The following CASZ1 variants were observed in gnomAD, a reference collection of about 807,000 sequenced individuals.
The protein encoded by CASZ1 is zinc finger protein castor homolog 1.
In CASZ1, 28 loss-of-function variants were observed where a neutral mutation model predicts 135.2. That is an observed-to-expected ratio of 0.21 (90% CI 0.15 to 0.28). The LOEUF (loss-of-function observed/expected upper bound fraction) is 0.28. Among genes scored for constraint, CASZ1 ranks in the 10% least tolerant of loss-of-function variants. The probability of loss-of-function intolerance (pLI) is 1.00; values close to 1 mark genes in which losing one functional copy is unlikely to be tolerated. For missense variants in CASZ1, 2,161 were observed against 2,453.3 expected, an observed-to-expected ratio of 0.88 and a Z score of 2.52; for synonymous variants, 1,068 against 1,073.4, an observed-to-expected ratio of 0.99 and a Z score of 0.10.
intron 2 of CASZ1, among the ~76,000 whole-genome samples, chr1:10,745,525 C>T (rs1450974273): frequency 6.6e-6 from 1 of 152,150 alleles, no homozygotes; most frequent in Non-Finnish European, 1.5e-5. Context: ...CATGCAGCCA[C>T]ACAGGGTCTC....
rs992860334 is a variant in CASZ1 at position 10,666,740 on chromosome 1, C to T, written c.17-1169G>A. Among the ~76,000 whole-genome samples, 2 of 152,240 alleles carry T rather than the reference C, an allele frequency of 1.3e-5. No individual in the cohort carries two copies. The highest frequency in any genetic ancestry group is 4.8e-5 in the African/African-American group (2 of 41,456). ...CCTGGGGGGGCATACGGCAAGCCCA[C>T]CCACCACACAGCCTGGGACCTGCCA... On this transcript the variant is annotated intron_variant, in intron 4 of 20. Coordinates refer to ENST00000377022, the MANE Select transcript of CASZ1 (RefSeq NM_001079843.3). This position sits in a 1 kb window ranked among gnomAD's most constrained non-coding sequence, Gnocchi z 5.2.
At chr1:10,683,856 G>A (rs1176343580) in intron 4 of CASZ1, among the ~76,000 whole-genome samples, 2 of 152,246 alleles carry the variant, frequency 1.3e-5, no homozygotes. Context: ...GCCCAGGGAT[G>A]TGTTTGCAGA....
At chr1:10,768,286 C>T (rs566764344) in intron 1 of CASZ1, among the ~76,000 whole-genome samples, 16 of 152,162 alleles carry the variant, frequency 1.1e-4, no homozygotes, top group Non-Finnish European at 2.1e-4. Flanking sequence ...GGTGCAATCT[C>T]GGCTCACGGC....
chr1:10,693,837 G>C (rs755896082), intron 4 of CASZ1, 37 bp downstream of exon 4: 1 of 1,527,948 alleles, frequency 6.5e-7, no homozygotes, highest in African/African-American at 1.4e-5. Flanking sequence ...CGAAAGAAAA[G>C]TGAAAGAGCC....
chr1:10,779,553 AG>A (rs914047613), intron 1 of CASZ1, among the ~76,000 whole-genome samples: 42 of 152,056 alleles, frequency 2.8e-4, no homozygotes, highest in Admixed American at 9.2e-4. Context: ...TTTTAATCAT[AG>A]GGGGGGAATT....
intron 10 of CASZ1, 59 bp downstream of exon 10, chr1:10,654,360 G>A: frequency 6.3e-7 from 1 of 1,592,230 alleles, no homozygotes. Context: ...CACGAGCCTG[G>A]GTCCTTGCCT....
chr1:10,785,544 C>A (rs1640844336), intron 1 of CASZ1, among the ~76,000 whole-genome samples: 1 of 152,224 alleles, frequency 6.6e-6, no homozygotes, highest in South Asian at 2.1e-4. Context: ...GGCCTCATGC[C>A]CTTGCTTCCT....
chr1:10,648,186 G>A (rs1255202149), intron 15 of CASZ1, 47 bp from the exon 16 acceptor site: 6 of 1,338,680 alleles, frequency 4.5e-6, no homozygotes, highest in Non-Finnish European at 6.1e-6. Context: ...GTGAAGACAG[G>A]TGTGGAGGGG....
chr1:10,648,850 T>A (rs1456242584), intron 15 of CASZ1: 19 of 580,204 alleles, frequency 3.3e-5, no homozygotes, highest in Non-Finnish European at 5.7e-5. Context: ...TTGCTCAGGG[T>A]CCCAGGAAGG....
rs930277010 is a variant in CASZ1 at position 10,727,164 on chromosome 1, A to G, written c.-76-21620T>C. Among the ~76,000 whole-genome samples, 1 of 151,992 alleles carries G rather than the reference A, an allele frequency of 6.6e-6. No individual in the cohort carries two copies. Among genetic ancestry groups the G allele is most frequent in the Non-Finnish European group, 1.5e-5 (1 of 67,974 alleles). On this transcript the variant is annotated intron_variant, in intron 2 of 20. Coordinates refer to ENST00000377022, the MANE Select transcript of CASZ1 (RefSeq NM_001079843.3). This position sits in a 1 kb window ranked among gnomAD's most constrained non-coding sequence, Gnocchi z 5.3. ...AACAGCCTGGAGAAGGAAGAGGGAA[A>G]AGGGAGAGGTGGCCAGGGGTAGGGA...
intron 3 of CASZ1, among the ~76,000 whole-genome samples, chr1:10,698,529 T>C (rs1356096134): frequency 6.6e-6 from 1 of 151,074 alleles, no homozygotes; most frequent in African/African-American, 2.5e-5. Flanking sequence ...CCAAAAAAAT[T>C]GCACATCCTT....
chr1:10,747,390 C>T lies in CASZ1; in HGVS notation c.-77+13311G>A, dbSNP rs189405945. Among the ~76,000 whole-genome samples, 5 of 152,322 alleles carry T rather than the reference C, an allele frequency of 3.3e-5. No homozygotes were observed. Among genetic ancestry groups the T allele is most frequent in the East Asian group, 3.9e-4 (2 of 5,184 alleles). ...GTGCTAAGTCTAGCACCTGCCAAACCGTGGCGGAAGCAATGGCTGCCATTG... is the reference window on the plus strand; with the variant it reads ...GTGCTAAGTCTAGCACCTGCCAAACTGTGGCGGAAGCAATGGCTGCCATTG... On this transcript the variant is annotated intron_variant, in intron 2 of 20. Coordinates refer to ENST00000377022, the MANE Select transcript of CASZ1 (RefSeq NM_001079843.3). The surrounding 1 kb of genome is among the most constrained non-coding windows in gnomAD (Gnocchi z 4.3).
intron 2 of CASZ1, among the ~76,000 whole-genome samples, chr1:10,744,124 GC>G (rs2100539694): frequency 6.6e-6 from 1 of 151,810 alleles, no homozygotes; most frequent in South Asian, 2.1e-4. Flanking sequence ...CCCCGACCCT[GC>G]CCCCTGATTT....
In CASZ1 at chr1:10,650,946, C is replaced by A; in HGVS notation, c.2811G>T (p.Glu937Asp). 6.2e-7 allele frequency: 1 copy of A among 1,604,216 alleles called. No homozygotes were observed. Residue 937 changes from glutamate to aspartate, a missense_variant, in exon 12 of 21, where the codon GAG becomes GAT. Glu to Asp is a conservative substitution (Grantham distance 45). Transcript: ENST00000377022. The stretch of plus-strand genomic sequence containing the variant: ...CATAGGGGGCCTCGCCTCACCTGGG[C>A]TCCTTCACAGTCAGGTCTAGACTGC... Reference protein sequence around the residue: ...QDRSLDLTVKEPSNESNGHAV... With the variant: ...QDRSLDLTVKDPSNESNGHAV...
intron 1 of CASZ1, among the ~76,000 whole-genome samples, chr1:10,787,653 G>GCA (rs148201374): frequency 7.3e-5 from 11 of 151,598 alleles, no homozygotes; most frequent in Middle Eastern, 3.4e-3. Flanking sequence ...ACGATCACCC[G>GCA]CACACACACA....
chr1:10,722,462 G>A (rs571876174), intron 2 of CASZ1, among the ~76,000 whole-genome samples: 1 of 152,300 alleles, frequency 6.6e-6, no homozygotes, highest in South Asian at 2.1e-4. Context: ...CTTAGGGACC[G>A]AGTACCTTCG....
In CASZ1 at chr1:10,697,659, C is replaced by A. The variant is rs537629942; in HGVS notation, c.-23-3747G>T. Among the ~76,000 whole-genome samples, 19 of 152,322 alleles carry A rather than the reference C, an allele frequency of 1.2e-4. No individual in the cohort carries two copies. The highest frequency in any genetic ancestry group is 4.6e-4 in the African/African-American group (19 of 41,556). Reference sequence around the variant, plus strand: ...CCGAGCCTGGGGCCTTCTCACTCACCAGCCTGTTTACACACCAGGTATCTC... The same window carrying A: ...CCGAGCCTGGGGCCTTCTCACTCACAAGCCTGTTTACACACCAGGTATCTC... On this transcript the variant is annotated intron_variant, in intron 3 of 20. Coordinates refer to ENST00000377022, the MANE Select transcript of CASZ1 (RefSeq NM_001079843.3). This position sits in a 1 kb window ranked among gnomAD's most constrained non-coding sequence, Gnocchi z 4.7.
chr1:10,725,105 T>C lies in CASZ1; in HGVS notation c.-76-19561A>G, dbSNP rs778705061. 1.3e-5 allele frequency among the ~76,000 whole-genome samples: 2 copies of C among 152,298 alleles called. No individual in the cohort carries two copies. Among genetic ancestry groups the C allele is most frequent in the Non-Finnish European group, 2.9e-5 (2 of 68,006 alleles). ...CTGTTCTTCCCTGGAGGGAGGGGGC[T>C]TGGGCTCCCCTCGGTGGGGGTAGGA... is the stretch of plus-strand genomic sequence containing the variant. On this transcript the variant is annotated intron_variant, in intron 2 of 20. Coordinates refer to ENST00000377022, the MANE Select transcript of CASZ1 (RefSeq NM_001079843.3). The surrounding 1 kb of genome is among the most constrained non-coding windows in gnomAD (Gnocchi z 4.4).
At chr1:10,668,491 G>A (rs554118964) in intron 4 of CASZ1, among the ~76,000 whole-genome samples, 1 of 152,364 alleles carries the variant, frequency 6.6e-6, no homozygotes, top group African/African-American at 2.4e-5. Flanking sequence ...GTGGGAAGGC[G>A]AGGGGACTCC....
Sources: gnomAD v4.1 joint callset for allele counts (sites outside exome capture counted in the v4.1 genomes callset) on GRCh38, gnomAD v4.1.1 for gene constraint, Gnocchi (gnomAD v3.1) non-coding constraint, MANE v1.5 for transcripts, NCBI Gene and HGNC (gene_info 2026-07-23, HGNC 2026-07-21) for gene names.